The following SLC7A2 variants were observed in gnomAD, a reference collection of about 807,000 sequenced individuals.
SLC7A2 encodes cationic amino acid transporter 2.
In SLC7A2, 48 loss-of-function variants were observed where a neutral mutation model predicts 58.9. The observed-to-expected ratio is 0.82, with a 90% CI of 0.65 to 1.04. SLC7A2 has a LOEUF of 1.04. Among genes scored for constraint, SLC7A2 ranks in the 50% least tolerant of loss-of-function variants. SLC7A2 has a pLI of 0.00. For synonymous variants in SLC7A2, 363 were observed against 314.5 expected (o/e 1.15, Z -1.63); for missense variants, 1,029 against 818.8 (o/e 1.26, Z -3.13).
At chr8:17,539,841 G>A (rs765932174) in intron 2 of SLC7A2, among the ~76,000 whole-genome samples, 4 of 152,126 alleles carry the variant, frequency 2.6e-5, no homozygotes, top group African/African-American at 4.8e-5. Flanking sequence ...CTCTGCATTC[G>A]TATTTGTTGT....
intron 2 of SLC7A2, among the ~76,000 whole-genome samples, chr8:17,540,606 G>C (rs1428708032): frequency 9.9e-5 from 15 of 152,138 alleles, no homozygotes; most frequent in Admixed American, 9.8e-4. Context: ...GTGTAATCTG[G>C]AGTGAATTAA....
intron 1 of SLC7A2, among the ~76,000 whole-genome samples, chr8:17,501,174 C>T (rs1800145118): frequency 6.6e-6 from 1 of 151,924 alleles, no homozygotes; most frequent in Admixed American, 6.6e-5. Context: ...CCACCATGTT[C>T]GGCTACTTTT....
chr8:17,550,121 G>A (rs1802375832), intron 5 of SLC7A2, among the ~76,000 whole-genome samples, 180 bp from the exon 6 acceptor site: 1 of 152,186 alleles, frequency 6.6e-6, no homozygotes, highest in Non-Finnish European at 1.5e-5. Flanking sequence ...GAGGGTCACT[G>A]TTAGTGGCAC....
chr8:17,509,790 C>G (rs796740862), intron 2 of SLC7A2, among the ~76,000 whole-genome samples: 15 of 152,214 alleles, frequency 9.9e-5, no homozygotes, highest in African/African-American at 3.6e-4. Flanking sequence ...ATGGAATCTT[C>G]CACGTCTCTA....
At chr8:17,526,325 G>A (rs533585315) in intron 2 of SLC7A2, among the ~76,000 whole-genome samples, 18 of 152,252 alleles carry the variant, frequency 1.2e-4, no homozygotes, top group African/African-American at 3.9e-4. Flanking sequence ...ATAGGAAGGC[G>A]AACAAGAAAG....
At chr8:17,543,219 C>A (rs1307991248) in intron 2 of SLC7A2, 99 bp from the exon 3 acceptor site, 38 of 722,272 alleles carry the variant, frequency 5.3e-5, no homozygotes, top group Non-Finnish European at 6.4e-5. Context: ...CACACACAAA[C>A]ACACACACAC....
chr8:17,500,589 T>C (rs1170084500), intron 1 of SLC7A2: 1 of 152,214 alleles, frequency 6.6e-6, no homozygotes, highest in Non-Finnish European at 1.5e-5. Flanking sequence ...CTGTGTGTTC[T>C]GCCCATGTAT....
intron 2 of SLC7A2, among the ~76,000 whole-genome samples, chr8:17,526,247 G>A (rs1359921610): frequency 3.3e-5 from 5 of 152,156 alleles, no homozygotes; most frequent in Non-Finnish European, 7.3e-5. Context: ...TTAAAAGGTG[G>A]AAGAATAAAG....
Position 17,543,473 on chromosome 8 carries a change from G to A in SLC7A2, c.134G>A (p.Gly45Glu). 4 of 1,614,136 alleles carry A rather than the reference G, an allele frequency of 2.5e-6. No homozygotes were observed. The highest frequency in any genetic ancestry group is 3.4e-6 in the Non-Finnish European group (4 of 1,180,026). Residue 45 changes from glycine to glutamate, a missense_variant, in exon 3 of 13, where the codon GGA (glycine) becomes GAA (glutamate). Gly to Glu is a moderately conservative substitution (Grantham distance 98, BLOSUM62 -2). Transcript: ENST00000494857. ...STMDLIALGV[G>E]STLGAGVYVL... ...ATGGACCTCATTGCCCTGGGCGTTG[G>A]AAGCACCCTTGGGGCCGGGGTTTAT...
chr8:17,525,639 T>C (rs1422682619), intron 2 of SLC7A2, among the ~76,000 whole-genome samples: 1 of 152,204 alleles, frequency 6.6e-6, no homozygotes, highest in Non-Finnish European at 1.5e-5. Flanking sequence ...TTTTAAATTA[T>C]CATGGTAGAA....
Position 17,560,522 on chromosome 8 carries a change from T to C in SLC7A2, c.1493T>C (p.Val498Ala). 6.2e-7 allele frequency: 1 copy of C among 1,613,300 alleles called. No individual in the cohort carries two copies. ...TCAGCTTCTCTCGTGAGCTTTCTGGTAGGATTCCTAGGTAAGTCTTCTTCT... is the reference window on the plus strand; with the variant it reads ...TCAGCTTCTCTCGTGAGCTTTCTGGCAGGATTCCTAGGTAAGTCTTCTTCT... ...QQSASLVSFLVGFLAFLVLGL... is the reference protein window; with the variant it reads ...QQSASLVSFLAGFLAFLVLGL... The change falls in exon 10 of 13, where the codon GTA becomes GCA. Residue 498 changes from valine to alanine, a missense_variant. Coordinates refer to ENST00000494857, the MANE Select transcript of SLC7A2 (RefSeq NM_001370338.1).
rs75742504 is a variant in SLC7A2, at chr8:17,516,865, C to T, written c.-23+14563C>T. On this transcript the variant is annotated intron_variant, in intron 2 of 12. Coordinates refer to ENST00000494857, the MANE Select transcript of SLC7A2 (RefSeq NM_001370338.1). ...TTGAGTATCTGCCATGTGCCAAGCACTCTAGGTATTTGGGATAAACCAGTG... is the reference window on the plus strand; with the variant it reads ...TTGAGTATCTGCCATGTGCCAAGCATTCTAGGTATTTGGGATAAACCAGTG... Among the ~76,000 whole-genome samples the T allele has an allele frequency of 6.1e-3, 933 of 152,286 alleles. 9 individuals carry two copies. The highest frequency in any genetic ancestry group is 0.02 in the African/African-American group (831 of 41,544).
chr8:17,538,573 A>G (rs751886917), intron 2 of SLC7A2, among the ~76,000 whole-genome samples: 8 of 152,226 alleles, frequency 5.3e-5, no homozygotes, highest in African/African-American at 9.6e-5. Context: ...ATAAAAGTCA[A>G]TAAATCCATG....
rs1294839807 is a variant in SLC7A2 at position 17,531,030 on chromosome 8, AC to A, written c.-22-12287del. On this transcript the variant is annotated intron_variant, in intron 2 of 12. Transcript: ENST00000494857. ...GGCTAATTCATTTACAAATCTCCAT[AC>A]GGTGTGGTTTCAAATAATTGCTTCC... is the stretch of plus-strand genomic sequence containing the variant. 5.1e-4 allele frequency among the ~76,000 whole-genome samples: 77 copies of A among 152,344 alleles called. 1 individual carries two copies. The highest frequency in any genetic ancestry group is 1.8e-3 in the African/African-American group (75 of 41,580).
At chr8:17,530,924 T>G (rs1369042458) in intron 2 of SLC7A2, among the ~76,000 whole-genome samples, 3 of 152,168 alleles carry the variant, frequency 2.0e-5, no homozygotes, top group Non-Finnish European at 4.4e-5. Context: ...ATATAATAAT[T>G]TAAATTTAAT....
chr8:17,507,898 G>A (rs1247512004), intron 2 of SLC7A2, among the ~76,000 whole-genome samples: 1 of 152,056 alleles, frequency 6.6e-6, no homozygotes, highest in Non-Finnish European at 1.5e-5. Flanking sequence ...AATATATTTG[G>A]ATAAGCTATT....
At chr8:17,540,384 G>C (rs551400028) in intron 2 of SLC7A2, among the ~76,000 whole-genome samples, 26 of 152,210 alleles carry the variant, frequency 1.7e-4, no homozygotes, top group African/African-American at 6.3e-4. Context: ...ATGAATGCTT[G>C]ACAAATGGGA....
intron 2 of SLC7A2, among the ~76,000 whole-genome samples, chr8:17,518,245 A>C (rs1386965006): frequency 6.6e-6 from 1 of 151,542 alleles, no homozygotes; most frequent in East Asian, 1.9e-4. Context: ...AACATCCAAA[A>C]GTAAAGGAAA....
At chr8:17,541,407 CTT>C (rs1220802504) in intron 2 of SLC7A2, among the ~76,000 whole-genome samples, 2 of 152,214 alleles carry the variant, frequency 1.3e-5, no homozygotes, top group Admixed American at 1.3e-4. Flanking sequence ...ATGTCAACGT[CTT>C]TGCAGATTTT....
Sources: gnomAD v4.1 joint callset for allele counts (sites outside exome capture counted in the v4.1 genomes callset) on GRCh38, gnomAD v4.1.1 for gene constraint, MANE v1.5 for transcripts, NCBI Gene and HGNC (gene_info 2026-07-23, HGNC 2026-07-21) for gene names.